Variants in CC2D2B observed in about 807,000 individuals in gnomAD.
CC2D2B encodes coiled-coil and C2 domain containing 2B, also known as protein CC2D2B.
A neutral mutation model predicts 161.2 loss-of-function variants in CC2D2B; 128 were observed. The ratio of observed to expected loss-of-function variants is 0.79; its 90% CI spans 0.69 to 0.92. The LOEUF (loss-of-function observed/expected upper bound fraction) is 0.92. Ranked by LOEUF, CC2D2B falls within the 40% of genes least tolerant of loss-of-function variation. The pLI, the probability that CC2D2B is intolerant of heterozygous loss-of-function variation, is 0.00. For synonymous variants in CC2D2B, 391 were observed against 449.8 expected (o/e 0.87, Z 1.65); for missense variants, 1,173 against 1,375.1 (o/e 0.85, Z 2.32).
intron 25 of CC2D2B, among the ~76,000 whole-genome samples, chr10:96,008,918 A>G (rs1436083290): frequency 1.3e-5 from 2 of 151,968 alleles, no homozygotes; most frequent in East Asian, 3.8e-4. Flanking sequence ...CTTGCTTTTG[A>G]TGTCATGTTT....
At position 96,033,099 on chromosome 10, in the gene CC2D2B, A is replaced by G. The variant is rs988701949; in HGVS notation, c.*1091A>G. ...GTATGGATTTCCAAAGGTTGACCAG[A>G]GCAGTTTTGTATGAGGTAAAGATAA... On this transcript the variant is annotated 3_prime_UTR_variant, in exon 35 of 35. Coordinates refer to ENST00000646931, the MANE Select transcript of CC2D2B (RefSeq NM_001349008.3). Among the ~76,000 whole-genome samples, 2 of 152,222 alleles carry G rather than the reference A, an allele frequency of 1.3e-5. No individual in the cohort carries two copies. The highest frequency in any genetic ancestry group is 4.8e-5 in the African/African-American group (2 of 41,464).
Position 95,988,142 on chromosome 10 carries a change from T to G in CC2D2B, c.2287-108T>G, listed in dbSNP as rs74974165. On this transcript the variant is annotated intron_variant, in intron 19 of 34. Transcript: ENST00000646931. ...TTTCTTCTGTCAGTCTCAGAATGTTTCCAGTGTCTTACACATGGACTGAAG... is the reference window on the plus strand; with the variant it reads ...TTTCTTCTGTCAGTCTCAGAATGTTGCCAGTGTCTTACACATGGACTGAAG... The G allele has an allele frequency of 6.2e-3, 2,542 of 412,226 alleles. 13 individuals are homozygous for G. The highest frequency in any genetic ancestry group is 0.015 in the Middle Eastern group (27 of 1,790). The allele number at this position is 412,226 out of a possible 1,614,324, so 25.5% of individuals were successfully genotyped here. A position where few individuals can be genotyped will look rare whatever the true frequency, so the allele number is the denominator to read the frequency against.
At chr10:95,924,543 TC>T (rs1203101105) in intron 4 of CC2D2B, among the ~76,000 whole-genome samples, 153 bp downstream of exon 4, 7 of 152,146 alleles carry the variant, frequency 4.6e-5, no homozygotes, top group Non-Finnish European at 7.4e-5. Context: ...ATATATATTT[TC>T]CTTTTGTCTC....
In CC2D2B at chr10:95,914,569, C is replaced by A. The variant is rs114578941; in HGVS notation, c.36+3210C>A. On this transcript the variant is annotated intron_variant, in intron 2 of 34. Coordinates refer to ENST00000646931, the MANE Select transcript of CC2D2B (RefSeq NM_001349008.3). Reference sequence around the variant, plus strand: ...GGAATTGGATCACGGGAGTGGTTTCCCCCATGCTGTTCTTGTTATAGTGAG... The same window carrying A: ...GGAATTGGATCACGGGAGTGGTTTCACCCATGCTGTTCTTGTTATAGTGAG... Among the ~76,000 whole-genome samples, 806 of 152,256 alleles carry A rather than the reference C, an allele frequency of 5.3e-3. 7 individuals are homozygous for A. The highest frequency in any genetic ancestry group is 0.018 in the African/African-American group (762 of 41,544).
chr10:95,927,865 C>A (rs1351817423), intron 6 of CC2D2B, among the ~76,000 whole-genome samples: 3 of 151,978 alleles, frequency 2.0e-5, no homozygotes, highest in African/African-American at 4.8e-5. Flanking sequence ...GTGTAGTCTC[C>A]CTGTTTCCCT....
In CC2D2B at chr10:95,996,166, A is replaced by G; in HGVS notation, c.2763A>G (p.Glu921=). 6.7e-7 allele frequency: 1 copy of G among 1,499,868 alleles called. No homozygotes were observed. Among genetic ancestry groups the G allele is most frequent in the Non-Finnish European group, 8.9e-7 (1 of 1,120,594 alleles). The allele number at this position is 1,499,868 out of a possible 1,614,324, so 92.9% of individuals were successfully genotyped here. A position where few individuals can be genotyped will look rare whatever the true frequency, so the allele number is the denominator to read the frequency against. ...LHEDTVHPFV[E]VSFQHTVYKT... is the part of the protein sequence containing the mutation. ...AGGATACTGTACATCCATTCGTGGAAGTTTCTTTCCAGCACACTGTATACA... is the reference window on the plus strand; with the variant it reads ...AGGATACTGTACATCCATTCGTGGAGGTTTCTTTCCAGCACACTGTATACA... The change falls in exon 24 of 35, where the codon GAA becomes GAG. Residue 921 remains glutamate (E), a synonymous_variant. Transcript: ENST00000646931.
At position 95,950,030 on chromosome 10, in the gene CC2D2B, C is replaced by T. The variant is rs556601919; in HGVS notation, c.936C>T (p.Cys312=). ...HHLFNQEQVL[C]ARLLQLYECF... ...TCTTCAATCAAGAGCAAGTATTATG[C>T]GCAAGGCTTCTCCAACTTTATGAAT... Residue 312 remains cysteine (C), a synonymous_variant, in exon 10 of 35, where the codon TGC becomes TGT. Transcript: ENST00000646931. The T allele has an allele frequency of 1.3e-4, 50 of 398,768 alleles. No homozygotes were observed. Among genetic ancestry groups the T allele is most frequent in the Middle Eastern group, 1.3e-3 (2 of 1,582 alleles). 24.7% of individuals were successfully genotyped at this position (398,768 alleles called of 1,614,324 possible).
upstream of CC2D2B, chr10:95,907,852 C>T (rs539062650): frequency 6.6e-6 from 1 of 152,492 alleles, no homozygotes; most frequent in Non-Finnish European, 1.5e-5. Flanking sequence ...CGAAGATTCC[C>T]AAAGGCGCGT....
intron 30 of CC2D2B, among the ~76,000 whole-genome samples, chr10:96,017,944 G>C (rs2079278305): frequency 6.6e-6 from 1 of 152,014 alleles, no homozygotes; most frequent in African/African-American, 2.4e-5. Context: ...CACACACACA[G>C]ACAAAAAACC....
intron 29 of CC2D2B, 42 bp from the exon 30 acceptor site, chr10:96,016,159 C>A (rs1432996578): frequency 2.2e-6 from 3 of 1,358,436 alleles, no homozygotes; most frequent in Non-Finnish European, 1.0e-6. Context: ...AACTTTCCCG[C>A]ACTTTTCTTT....
intron 9 of CC2D2B, among the ~76,000 whole-genome samples, chr10:95,943,271 A>G (rs568384796): frequency 6.6e-6 from 1 of 152,278 alleles, no homozygotes; most frequent in East Asian, 1.9e-4. Flanking sequence ...TGTCAGGTCT[A>G]TCAGATGTTC....
intron 2 of CC2D2B, among the ~76,000 whole-genome samples, chr10:95,913,139 A>AT (rs1266887634): frequency 4.0e-5 from 6 of 149,492 alleles, no homozygotes; most frequent in Non-Finnish European, 7.4e-5. Context: ...GGAAACCATC[A>AT]TTATACTCTC....
chr10:95,937,916 G>C, intron 6 of CC2D2B, 75 bp from the exon 7 acceptor site: 1 of 886,004 alleles, frequency 1.1e-6, no homozygotes, highest in Non-Finnish European at 1.8e-6. Flanking sequence ...TAAGGTTCCA[G>C]TACATTTCAT....
At chr10:95,960,622 C>T (rs2076729551) in intron 11 of CC2D2B, among the ~76,000 whole-genome samples, 1 of 152,116 alleles carries the variant, frequency 6.6e-6, no homozygotes, top group Admixed American at 6.6e-5. Context: ...AAGTGGTCCT[C>T]CCACCTCAGT....
chr10:95,981,072 C>T (rs2077500043), intron 17 of CC2D2B, among the ~76,000 whole-genome samples: 1 of 152,144 alleles, frequency 6.6e-6, no homozygotes. Context: ...AGGAGTCTAG[C>T]CTATCTTTTA....
intron 33 of CC2D2B, among the ~76,000 whole-genome samples, chr10:96,025,166 T>TATATATAAAAAAAAAA (rs1564683706): frequency 0.08 from 793 of 9,944 alleles, 45 homozygotes; most frequent in Non-Finnish European, 0.1. Flanking sequence ...TATATATATA[T>TATATATAAAAAAAAAA]ATATATATAT....
intron 1 of CC2D2B, among the ~76,000 whole-genome samples, chr10:95,908,843 A>G (rs1439426491): frequency 1.3e-5 from 2 of 151,558 alleles, no homozygotes; most frequent in Non-Finnish European, 2.9e-5. Context: ...ATACATTTTT[A>G]TAAATCTTGT....
chr10:95,915,968 G>A (rs892495621), intron 2 of CC2D2B, among the ~76,000 whole-genome samples: 4 of 152,084 alleles, frequency 2.6e-5, no homozygotes, highest in African/African-American at 9.7e-5. Flanking sequence ...AACAGTTTGA[G>A]TAGGATTGAT....
chr10:96,029,292 A>ATATGTATATCTATATATATATATG (rs1363982402), intron 34 of CC2D2B, among the ~76,000 whole-genome samples: 1 of 103,546 alleles, frequency 9.7e-6, no homozygotes, highest in Non-Finnish European at 1.9e-5. Flanking sequence ...ATATGTATAT[A>ATATGTATATCTATATATATATATG]TATATATATA....
Sources: allele counts gnomAD v4.1 joint callset (sites outside exome capture counted in the v4.1 genomes callset), GRCh38; gene constraint gnomAD v4.1.1; transcripts MANE v1.5; gene names NCBI Gene and HGNC (gene_info 2026-07-23, HGNC 2026-07-21).